Variants in CTNNA2 observed in about 807,000 individuals in gnomAD.
CTNNA2 encodes catenin alpha-2.
Under a neutral mutation model 101.0 loss-of-function variants are expected in CTNNA2, and 42 were observed. The observed-to-expected ratio is 0.42, with a 90% CI of 0.32 to 0.54. CTNNA2 has a LOEUF of 0.54. CTNNA2 is among the 20% of genes least tolerant of loss of function. The pLI, the probability that CTNNA2 is intolerant of heterozygous loss-of-function variation, is 0.14. For synonymous variants in CTNNA2, 450 were observed against 456.4 expected, an observed-to-expected ratio of 0.99 and a Z score of 0.18; for missense variants, 871 against 1,223.1, an observed-to-expected ratio of 0.71 and a Z score of 4.29.
chr2:79,225,300 T>C (rs1393337556), intron 2 of CTNNA2, among the ~76,000 whole-genome samples: 1 of 152,196 alleles, frequency 6.6e-6, no homozygotes. Context: ...ACCTTTAGTA[T>C]TATCAGTCAT....
intron 9 of CTNNA2, among the ~76,000 whole-genome samples, chr2:80,504,527 G>A (rs774661984): frequency 6.6e-6 from 1 of 152,182 alleles, no homozygotes; most frequent in African/African-American, 2.4e-5. Context: ...GTACACCAGA[G>A]TGCGGGAACC....
chr2:79,409,409 T>C (rs1158673539), intron 4 of CTNNA2, among the ~76,000 whole-genome samples: 83 of 152,146 alleles, frequency 5.5e-4, no homozygotes, highest in African/African-American at 1.8e-3. Flanking sequence ...CCTAGGCTTT[T>C]TTCTAGGGTT....
In CTNNA2 at chr2:79,785,049, C is replaced by T. The variant is rs528824515; in HGVS notation, c.298+40467C>T. ...AAAATAATATGGACATGTCTTTCTA[C>T]CTCTCTGATCCAAACAACGCCATCT... On this transcript the variant is annotated intron_variant, in intron 3 of 18. Coordinates refer to ENST00000402739, the MANE Select transcript of CTNNA2 (RefSeq NM_001282597.3). Among the ~76,000 whole-genome samples, 43 of 152,216 alleles carry T rather than the reference C, an allele frequency of 2.8e-4. No individual in the cohort carries two copies. The South Asian group carries it at 8.7e-3, about 31-fold the overall frequency.
intron 7 of CTNNA2, among the ~76,000 whole-genome samples, chr2:80,345,906 C>T (rs929480363): frequency 6.6e-6 from 1 of 152,166 alleles, no homozygotes; most frequent in Non-Finnish European, 1.5e-5. Flanking sequence ...TAAAGCCAAA[C>T]TCTACTATTG....
intron 7 of CTNNA2, among the ~76,000 whole-genome samples, chr2:80,177,414 C>T (rs1372737920): frequency 1.3e-5 from 2 of 152,064 alleles, no homozygotes; most frequent in Non-Finnish European, 2.9e-5. Flanking sequence ...GGTTGATTAC[C>T]CAAGGAATGT....
intron 7 of CTNNA2, among the ~76,000 whole-genome samples, chr2:79,993,863 G>A (rs150280980): frequency 1.3e-5 from 2 of 152,146 alleles, no homozygotes; most frequent in East Asian, 1.9e-4. Flanking sequence ...AGCAAAAGAG[G>A]TTTGGTTTTG....
chr2:79,477,837 C>G (rs548444522), intron 4 of CTNNA2, among the ~76,000 whole-genome samples: 125 of 152,322 alleles, frequency 8.2e-4, no homozygotes, highest in Non-Finnish European at 1.4e-3. Context: ...ACTAGCCCAA[C>G]TGGTGGGATG....
intron 14 of CTNNA2, among the ~76,000 whole-genome samples, chr2:80,587,700 A>T (rs57752554): frequency 0.017 from 2,516 of 152,276 alleles, 82 homozygotes; most frequent in African/African-American, 0.058. Flanking sequence ...ATAATTTAGG[A>T]AGCATTTTTC....
At chr2:79,220,444 G>A (rs1278943655) in intron 2 of CTNNA2, among the ~76,000 whole-genome samples, 4 of 152,038 alleles carry the variant, frequency 2.6e-5, no homozygotes, top group South Asian at 2.1e-4. Context: ...CCACCTCAAC[G>A]AGCAGCTCCA....
chr2:79,360,708 G>T (rs1677608578), intron 3 of CTNNA2, among the ~76,000 whole-genome samples: 1 of 152,176 alleles, frequency 6.6e-6, no homozygotes, highest in African/African-American at 2.4e-5. Flanking sequence ...GAAATGTAGA[G>T]GGTGAGGGTA....
At position 80,193,014 on chromosome 2, in the gene CTNNA2, AT is replaced by A. The variant is rs548954770; in HGVS notation, c.1057-200195del. 1.4e-3 allele frequency among the ~76,000 whole-genome samples: 211 copies of A among 152,236 alleles called. 1 individual carries two copies. The highest frequency in any genetic ancestry group is 4.7e-3 in the African/African-American group (197 of 41,552). On this transcript the variant is annotated intron_variant, in intron 7 of 18. Transcript: ENST00000402739. ...TATACAGGATTGTAGGTCATTGATG[AT>A]TGAGGAACTTCATATTGAAATTACT...
intron 7 of CTNNA2, among the ~76,000 whole-genome samples, chr2:80,268,918 C>A (rs1219288845): frequency 1.3e-5 from 2 of 152,158 alleles, no homozygotes; most frequent in African/African-American, 4.8e-5. Context: ...TCCTGCAACC[C>A]TTTTCTGAAA....
intron 1 of CTNNA2, among the ~76,000 whole-genome samples, chr2:79,605,994 A>G (rs1677864982): frequency 6.6e-6 from 1 of 152,198 alleles, no homozygotes; most frequent in African/African-American, 2.4e-5. Flanking sequence ...TAAAATGCTG[A>G]AAGAAAAATC....
chr2:80,085,217 C>G (rs1336826153), intron 7 of CTNNA2, among the ~76,000 whole-genome samples: 1 of 152,060 alleles, frequency 6.6e-6, no homozygotes. Flanking sequence ...GGGCTCTGCT[C>G]ATCACAGTTG....
At chr2:79,814,636 C>CAT (rs1297903530) in intron 3 of CTNNA2, among the ~76,000 whole-genome samples, 210 of 120,944 alleles carry the variant, frequency 1.7e-3, no homozygotes, top group African/African-American at 7.1e-3. Flanking sequence ...CACACACACA[C>CAT]ACATATATAT....
intron 7 of CTNNA2, among the ~76,000 whole-genome samples, chr2:79,916,750 G>A (rs1386530732): frequency 1.3e-5 from 2 of 151,858 alleles, no homozygotes; most frequent in Middle Eastern, 3.4e-3. Context: ...AGCCTCCCGA[G>A]TAGCTGGGAC....
At chr2:80,283,725 T>C (rs1674552090) in intron 7 of CTNNA2, among the ~76,000 whole-genome samples, 1 of 152,064 alleles carries the variant, frequency 6.6e-6, no homozygotes, top group Admixed American at 6.6e-5. Flanking sequence ...AGAGTGCCCC[T>C]GTGCTCTCTT....
chr2:80,555,394 C>T (rs890007440), intron 11 of CTNNA2, among the ~76,000 whole-genome samples: 2 of 152,184 alleles, frequency 1.3e-5, no homozygotes, highest in African/African-American at 4.8e-5. Flanking sequence ...GTGGCATTAG[C>T]ATCACCTGGG....
chr2:80,035,523 AT>A (rs1375949507), intron 7 of CTNNA2, among the ~76,000 whole-genome samples: 1 of 152,162 alleles, frequency 6.6e-6, no homozygotes, highest in Non-Finnish European at 1.5e-5. Context: ...ACCTACTAAT[AT>A]TTATTTGCTA....
Sources: gnomAD v4.1 joint callset for allele counts (sites outside exome capture counted in the v4.1 genomes callset) on GRCh38, gnomAD v4.1.1 for gene constraint, MANE v1.5 for transcripts, NCBI Gene and HGNC (gene_info 2026-07-23, HGNC 2026-07-21) for gene names.